ADAMTS12: variants seen among roughly 807,000 people sequenced by gnomAD.
ADAMTS12 encodes the protein A disintegrin and metalloproteinase with thrombospondin motifs 12.
ADAMTS12 carries 118 observed loss-of-function variants against 167.8 expected under a neutral mutation model. The ratio of observed to expected loss-of-function variants is 0.70; its 90% confidence interval spans 0.61 to 0.82. The LOEUF (loss-of-function observed/expected upper bound fraction) is 0.82, where lower values mean the gene tolerates loss of function less well. Ranked by LOEUF, ADAMTS12 falls within the 40% of genes least tolerant of loss-of-function variation. The probability of loss-of-function intolerance (pLI) is 0.00; values close to 1 mark genes in which losing one functional copy is unlikely to be tolerated. For missense variants in ADAMTS12, 1,916 were observed against 1,998.8 expected (o/e 0.96, Z 0.79); for synonymous variants, 704 against 716.9 (o/e 0.98, Z 0.29).
intron 3 of ADAMTS12, among the ~76,000 whole-genome samples, chr5:33,732,925 A>C (rs1579885688): frequency 6.6e-6 from 1 of 152,040 alleles, no homozygotes; most frequent in East Asian, 1.9e-4. Flanking sequence ...GTGATCCTTA[A>C]AAATGTTTTA....
intron 13 of ADAMTS12, among the ~76,000 whole-genome samples, chr5:33,626,737 G>C (rs1355734661): frequency 6.7e-6 from 1 of 149,896 alleles, no homozygotes; most frequent in Non-Finnish European, 1.5e-5. Context: ...TGATGGTAAT[G>C]GTGGTGGTGG....
At chr5:33,839,613 G>C (rs1449593240) in intron 2 of ADAMTS12, among the ~76,000 whole-genome samples, 1 of 152,168 alleles carries the variant, frequency 6.6e-6, no homozygotes, top group Admixed American at 6.5e-5. Context: ...ACTGAAGACA[G>C]AGGGTCCTTT....
At chr5:33,802,316 G>T (rs761813467) in intron 2 of ADAMTS12, among the ~76,000 whole-genome samples, 4 of 152,350 alleles carry the variant, frequency 2.6e-5, no homozygotes, top group Non-Finnish European at 5.9e-5. Flanking sequence ...AGTTGTTACT[G>T]TGTTGAACTC....
intron 3 of ADAMTS12, among the ~76,000 whole-genome samples, chr5:33,722,981 A>G (rs542422595): frequency 6.6e-6 from 1 of 152,182 alleles, no homozygotes; most frequent in Admixed American, 6.5e-5. Flanking sequence ...AGAAAAGCAG[A>G]GAGAGTGGGT....
chr5:33,859,069 G>A (rs764033375), intron 2 of ADAMTS12, among the ~76,000 whole-genome samples: 18 of 152,146 alleles, frequency 1.2e-4, no homozygotes, highest in Non-Finnish European at 2.5e-4. Context: ...GATTTCAAGC[G>A]CAAAACTGGG....
At chr5:33,562,371 GA>G (rs1430401369) in intron 19 of ADAMTS12, among the ~76,000 whole-genome samples, 1 of 152,072 alleles carries the variant, frequency 6.6e-6, no homozygotes, top group African/African-American at 2.4e-5. Flanking sequence ...GGGTCACTTT[GA>G]AAACCATGAA....
intron 2 of ADAMTS12, among the ~76,000 whole-genome samples, chr5:33,774,617 T>C (rs954321822): frequency 2.0e-5 from 3 of 151,736 alleles, no homozygotes; most frequent in Non-Finnish European, 2.9e-5. Flanking sequence ...AATTAACTCA[T>C]AGAAGATTGA....
At chr5:33,804,901 A>C (rs776542959) in intron 2 of ADAMTS12, among the ~76,000 whole-genome samples, 5 of 152,026 alleles carry the variant, frequency 3.3e-5, no homozygotes, top group Non-Finnish European at 7.3e-5. Context: ...AAAACCCTGC[A>C]CTACAGAATA....
intron 13 of ADAMTS12, among the ~76,000 whole-genome samples, chr5:33,629,668 C>T (rs1396409098): frequency 1.3e-5 from 2 of 152,208 alleles, no homozygotes; most frequent in Admixed American, 1.3e-4. Flanking sequence ...TGCCCAGCAA[C>T]TTCCTGAGCA....
intron 3 of ADAMTS12, among the ~76,000 whole-genome samples, chr5:33,748,084 C>A (rs1178920117): frequency 6.6e-6 from 1 of 152,178 alleles, no homozygotes; most frequent in Non-Finnish European, 1.5e-5. Flanking sequence ...TGCCAGGACC[C>A]TTTTCTGCCA....
chr5:33,808,948 T>C (rs1000918940), intron 2 of ADAMTS12, among the ~76,000 whole-genome samples: 2 of 152,206 alleles, frequency 1.3e-5, no homozygotes, highest in African/African-American at 4.8e-5. Context: ...ATGATAAACT[T>C]CCTGAAGGCA....
At chr5:33,709,897 A>G (rs1204322283) in intron 3 of ADAMTS12, among the ~76,000 whole-genome samples, 1 of 152,172 alleles carries the variant, frequency 6.6e-6, no homozygotes, top group Non-Finnish European at 1.5e-5. Flanking sequence ...AATCCAATCT[A>G]CCATGAAAAT....
intron 2 of ADAMTS12, among the ~76,000 whole-genome samples, chr5:33,782,119 T>A (rs1394453478): frequency 1.3e-5 from 2 of 152,072 alleles, no homozygotes; most frequent in African/African-American, 4.8e-5. Context: ...CTTCTCTTAT[T>A]TTTTTAAAAA....
chr5:33,636,488 C>T (rs1347766599), intron 12 of ADAMTS12, among the ~76,000 whole-genome samples: 1 of 152,098 alleles, frequency 6.6e-6, no homozygotes, highest in East Asian at 1.9e-4. Context: ...TGACACCAAA[C>T]GATTGGGGGC....
chr5:33,570,361 C>T (rs1454419120), intron 19 of ADAMTS12, among the ~76,000 whole-genome samples: 1 of 152,016 alleles, frequency 6.6e-6, no homozygotes, highest in African/African-American at 2.4e-5. Context: ...GTCGGGTTAC[C>T]CACAAAGGGA....
At chr5:33,700,975 G>A (rs949920509) in intron 3 of ADAMTS12, among the ~76,000 whole-genome samples, 2 of 152,076 alleles carry the variant, frequency 1.3e-5, no homozygotes, top group Non-Finnish European at 2.9e-5. Flanking sequence ...CTACAACTCT[G>A]GCCCAGACAG....
intron 16 of ADAMTS12, among the ~76,000 whole-genome samples, chr5:33,596,526 A>T (rs1380216773): frequency 6.6e-6 from 1 of 152,182 alleles, no homozygotes; most frequent in African/African-American, 2.4e-5. Flanking sequence ...TACTAAAAAT[A>T]CAAAAATTAG....
At chr5:33,678,174 G>A (rs574453347) in intron 5 of ADAMTS12, among the ~76,000 whole-genome samples, 1 of 152,170 alleles carries the variant, frequency 6.6e-6, no homozygotes, top group Non-Finnish European at 1.5e-5. Context: ...TCCATTTGTT[G>A]GTTTGGAATA....
Position 33,608,126 on chromosome 5 carries a change from T to C in ADAMTS12, c.2527+6112A>G, listed in dbSNP as rs191744690. 2.6e-5 allele frequency among the ~76,000 whole-genome samples: 4 copies of C among 152,316 alleles called. No individual in the cohort carries two copies. In the East Asian group the frequency reaches 7.7e-4, roughly 29 times the overall value. On this transcript the variant is annotated intron_variant, in intron 16 of 23. Coordinates refer to ENST00000504830, the MANE Select transcript of ADAMTS12 (RefSeq NM_030955.4). Reference sequence around the variant, plus strand: ...TATCACCTTTCCACACACTTTGCCCTATGCATCTCTTCATCTGTTTCCTTT... The same window carrying C: ...TATCACCTTTCCACACACTTTGCCCCATGCATCTCTTCATCTGTTTCCTTT...
Sources: allele counts gnomAD v4.1 joint callset (sites outside exome capture counted in the v4.1 genomes callset), GRCh38; gene constraint gnomAD v4.1.1; transcripts MANE v1.5; gene names NCBI Gene and HGNC (gene_info 2026-07-23, HGNC 2026-07-21).